The following C11orf65 variants were observed in gnomAD, a reference collection of about 807,000 sequenced individuals.
The protein encoded by C11orf65 is chromosome 11 open reading frame 65, also known as protein MFI.
Under a neutral mutation model 35.3 loss-of-function variants are expected in C11orf65, and 38 were observed. The observed-to-expected ratio is 1.08, with a 90% CI of 0.83 to 1.41. The LOEUF is 1.41. Among genes scored for constraint, C11orf65 ranks in the 40% most tolerant of loss-of-function variants. The pLI is 0.00. For missense variants in C11orf65, 370 were observed against 367.1 expected, an observed-to-expected ratio of 1.01 and a Z score of -0.06; for synonymous variants, 105 against 114.4, an observed-to-expected ratio of 0.92 and a Z score of 0.53.
chr11:108,319,604 C>T (rs1316092655), intron 6 of C11orf65, among the ~76,000 whole-genome samples: 1 of 152,140 alleles, frequency 6.6e-6, no homozygotes, highest in Non-Finnish European at 1.5e-5. Flanking sequence ...TTGTCTGTTC[C>T]TCCAAACCAG....
intron 3 of C11orf65, chr11:108,335,217 T>C (rs746348525): frequency 8.2e-6 from 13 of 1,578,128 alleles, no homozygotes; most frequent in Non-Finnish European, 1.1e-5. Flanking sequence ...TTTGAATACT[T>C]ACAAATGAGG....
At chr11:108,319,858 TA>T in intron 6 of C11orf65, 2 of 844,994 alleles carry the variant, frequency 2.4e-6, no homozygotes, top group Non-Finnish European at 3.9e-6. Context: ...GGAGAAATGT[TA>T]ATTTAAAAAT....
chr11:108,442,057 C>T (rs2093162945), intron 2 of C11orf65, among the ~76,000 whole-genome samples: 1 of 152,066 alleles, frequency 6.6e-6, no homozygotes, highest in African/African-American at 2.4e-5. Flanking sequence ...AAACCTATCA[C>T]AAAGAAGCTA....
intron 2 of C11orf65, among the ~76,000 whole-genome samples, chr11:108,359,505 AC>A (rs1359362045): frequency 1.3e-5 from 2 of 152,042 alleles, no homozygotes; most frequent in Non-Finnish European, 2.9e-5. Context: ...TTTTTTCAGC[AC>A]CACACCACAC....
At position 108,407,113 on chromosome 11, in the gene C11orf65, G is replaced by T; in HGVS notation, c.211C>A (p.Arg71=). The T allele has an allele frequency of 6.2e-7, 1 of 1,609,794 alleles. No individual in the cohort carries two copies. The highest frequency in any genetic ancestry group is 8.5e-7 in the Non-Finnish European group (1 of 1,177,196). The part of the protein sequence containing the change: ...LLDAAAGIHV[R]FRLGGVKFPP... ...ATACTTACTCCACCTAATCTGAATC[G>T]CACATGAATGCCAGCAGCAGCATCT... Residue 71 remains arginine (R), a synonymous_variant, in exon 4 of 9, where the codon CGA becomes AGA. Coordinates refer to ENST00000393084, the MANE Select transcript of C11orf65 (RefSeq NM_152587.5).
chr11:108,405,408 G>A lies in C11orf65; in HGVS notation c.560+21C>T, dbSNP rs1279626899. ...TCCCAAAATACTACGTATTTCCTTA[G>A]TAAGTGTTTCATCAACTTACATTTG... On this transcript the variant is annotated intron_variant, in intron 6 of 8. Transcript: ENST00000393084. 3.1e-5 allele frequency: 49 copies of A among 1,605,894 alleles called. No homozygotes were observed. The East Asian group carries it at 1.0e-3, about 33-fold the overall frequency.
downstream of C11orf65, chr11:108,327,816 T>G: frequency 8.1e-7 from 1 of 1,234,914 alleles, no homozygotes; most frequent in Non-Finnish European, 1.2e-6. Flanking sequence ...GCTTCATCTT[T>G]TCATCAAGAT....
intron 2 of C11orf65, among the ~76,000 whole-genome samples, chr11:108,370,529 A>C (rs1443248562): frequency 6.7e-6 from 1 of 148,976 alleles, no homozygotes; most frequent in African/African-American, 2.6e-5. Context: ...TCATCAGTAG[A>C]ATATTGGGAC....
intron 6 of C11orf65, chr11:108,315,675 C>T: frequency 1.5e-6 from 1 of 682,526 alleles, no homozygotes; most frequent in Non-Finnish European, 2.6e-6. Context: ...TATTTCAGAA[C>T]TGTATTTCAG....
intron 2 of C11orf65, among the ~76,000 whole-genome samples, chr11:108,370,789 AT>A: frequency 6.6e-6 from 1 of 151,932 alleles, no homozygotes; most frequent in Admixed American, 6.6e-5. Context: ...ACACTGTTTG[AT>A]TTTCTAAGGT....
intron 2 of C11orf65, among the ~76,000 whole-genome samples, chr11:108,449,350 A>G (rs2093313452): frequency 6.6e-6 from 1 of 152,002 alleles, no homozygotes; most frequent in Non-Finnish European, 1.5e-5. Flanking sequence ...CCAAAAGAAC[A>G]AAGCTGGAGG....
At chr11:108,315,759 A>G in intron 6 of C11orf65, 1 of 1,303,068 alleles carries the variant, frequency 7.7e-7, no homozygotes, top group Admixed American at 1.7e-5. Flanking sequence ...ACAATTTAAA[A>G]TTTGCTAAAT....
intron 6 of C11orf65, among the ~76,000 whole-genome samples, chr11:108,399,269 A>G (rs1430206026): frequency 2.6e-5 from 4 of 152,202 alleles, no homozygotes; most frequent in African/African-American, 7.2e-5. Context: ...TGTATCCATT[A>G]TGAGTATACC....
At chr11:108,401,267 T>G (rs1190984453) in intron 6 of C11orf65, among the ~76,000 whole-genome samples, 1 of 151,678 alleles carries the variant, frequency 6.6e-6, no homozygotes. Flanking sequence ...AAACACACAA[T>G]TCCCTGAACT....
At chr11:108,397,259 C>A (rs1227476121) in intron 6 of C11orf65, among the ~76,000 whole-genome samples, 4 of 147,252 alleles carry the variant, frequency 2.7e-5, no homozygotes, top group African/African-American at 1.0e-4. Context: ...GCAGAGGTTG[C>A]AGTGAGCTGA....
chr11:108,412,772 T>C (rs894853256), intron 3 of C11orf65, among the ~76,000 whole-genome samples: 10 of 152,048 alleles, frequency 6.6e-5, no homozygotes, highest in African/African-American at 1.7e-4. Context: ...AAGAAAGATA[T>C]ATGATACTAA....
intron 3 of C11orf65, among the ~76,000 whole-genome samples, chr11:108,425,670 C>A (rs1331478723): frequency 6.6e-6 from 1 of 152,120 alleles, no homozygotes; most frequent in Non-Finnish European, 1.5e-5. Flanking sequence ...ATCCTGATAC[C>A]AAACCCTGGC....
intron 2 of C11orf65, among the ~76,000 whole-genome samples, chr11:108,441,021 G>A (rs977754567): frequency 2.0e-5 from 3 of 152,162 alleles, no homozygotes; most frequent in Non-Finnish European, 2.9e-5. Context: ...GCAGGGCAAC[G>A]CACTGCCTCA....
At chr11:108,437,088 T>A (rs2093069939) in intron 2 of C11orf65, among the ~76,000 whole-genome samples, 1 of 62,192 alleles carries the variant, frequency 1.6e-5, no homozygotes, top group Non-Finnish European at 2.8e-5. Context: ...TAAGAACCCA[T>A]TACGACAAAA....
Sources: allele counts gnomAD v4.1 joint callset (sites outside exome capture counted in the v4.1 genomes callset), GRCh38; gene constraint gnomAD v4.1.1; transcripts MANE v1.5; gene names NCBI Gene and HGNC (gene_info 2026-07-23, HGNC 2026-07-21).